GRID2: variants seen among roughly 807,000 people sequenced by gnomAD.
GRID2 encodes the protein glutamate ionotropic receptor delta type subunit 2.
Under a neutral mutation model 114.8 loss-of-function variants are expected in GRID2, and 33 were observed. The ratio of observed to expected loss-of-function variants is 0.29; its 90% CI spans 0.22 to 0.38. GRID2 has a LOEUF of 0.38. GRID2 is among the 10% of genes least tolerant of loss of function. The pLI, the probability that GRID2 is intolerant of heterozygous loss-of-function variation, is 1.00. For missense variants in GRID2, 1,184 were observed against 1,257.7 expected (o/e 0.94, Z 0.89); for synonymous variants, 505 against 449.9 (o/e 1.12, Z -1.55).
chr4:92,939,135 GC>G, intron 2 of GRID2, among the ~76,000 whole-genome samples: 1 of 147,482 alleles, frequency 6.8e-6, no homozygotes, highest in East Asian at 2.2e-4. Flanking sequence ...ATGAGGAACT[GC>G]TACACTGACT....
intron 9 of GRID2, among the ~76,000 whole-genome samples, chr4:93,407,527 T>A (rs1018967386): frequency 6.6e-6 from 1 of 152,184 alleles, no homozygotes; most frequent in Non-Finnish European, 1.5e-5. Context: ...CCAAGTATTA[T>A]GTTAGCCTGG....
chr4:93,686,625 A>G (rs1438437300), intron 14 of GRID2, among the ~76,000 whole-genome samples: 1 of 152,056 alleles, frequency 6.6e-6, no homozygotes, highest in Non-Finnish European at 1.5e-5. Flanking sequence ...TTGCAATTTT[A>G]AAACGGACAG....
chr4:93,111,731 G>A lies in GRID2; in HGVS notation c.735+778G>A, dbSNP rs185242836. The stretch of plus-strand genomic sequence containing the variant: ...TTAAAAATATTTTAAATTTGAGGAC[G>A]GGAATTTATTTGTTTAATACTTTTT... On this transcript the variant is annotated intron_variant, in intron 4 of 15. Transcript: ENST00000282020. Among the ~76,000 whole-genome samples, 11 of 143,652 alleles carry A rather than the reference G, an allele frequency of 7.7e-5. No homozygotes were observed. In the East Asian group the frequency reaches 1.4e-3, roughly 19 times the overall value. 94.2% of individuals were successfully genotyped at this position (143,652 alleles called of 152,430 possible). A position where few individuals can be genotyped will look rare whatever the true frequency, so the allele number is the denominator to read the frequency against.
At position 92,925,980 on chromosome 4, in the gene GRID2, G is replaced by C. The variant is rs117949075; in HGVS notation, c.245-159015G>C. On this transcript the variant is annotated intron_variant, in intron 2 of 15. Transcript: ENST00000282020. ...TAGTCACTACTTACTAATGTAAGTAGTCTGCACATTCCAATTCTGTTTACT... is the reference window on the plus strand; with the variant it reads ...TAGTCACTACTTACTAATGTAAGTACTCTGCACATTCCAATTCTGTTTACT... Among the ~76,000 whole-genome samples the C allele has an allele frequency of 6.6e-4, 100 of 152,048 alleles. 3 individuals are homozygous for C. The East Asian group carries it at 0.019, about 29-fold the overall frequency.
chr4:93,073,050 C>A (rs1186212198), intron 2 of GRID2, among the ~76,000 whole-genome samples: 1 of 152,134 alleles, frequency 6.6e-6, no homozygotes, highest in Non-Finnish European at 1.5e-5. Context: ...GTTTGTCTCT[C>A]CAGTAAATTG....
chr4:93,207,932 C>A (rs1220743827), intron 5 of GRID2, among the ~76,000 whole-genome samples: 1 of 151,910 alleles, frequency 6.6e-6, no homozygotes, highest in African/African-American at 2.4e-5. Context: ...GTTTTCAAAT[C>A]TTTAGACTTG....
rs549136426 is a variant in GRID2 at position 92,418,695 on chromosome 4, A to G, written c.88+113951A>G. Among the ~76,000 whole-genome samples, 21 of 152,196 alleles carry G rather than the reference A, an allele frequency of 1.4e-4. No homozygotes were observed. The South Asian group carries it at 4.1e-3, about 30-fold the overall frequency. On this transcript the variant is annotated intron_variant, in intron 1 of 15. Transcript: ENST00000282020. ...TGGCTAGCTTAATTAAATGATAATG[A>G]TATCATTCATCAAGTTTGGGTCTCC...
intron 2 of GRID2, among the ~76,000 whole-genome samples, chr4:92,944,075 A>C (rs560110774): frequency 1.3e-5 from 2 of 152,286 alleles, no homozygotes; most frequent in South Asian, 4.1e-4. Context: ...CAGATCTCCA[A>C]CTGCATGCTG....
At chr4:93,690,843 T>C (rs968620299) in intron 14 of GRID2, among the ~76,000 whole-genome samples, 18 of 149,940 alleles carry the variant, frequency 1.2e-4, no homozygotes, top group Non-Finnish European at 2.4e-4. Flanking sequence ...TTATATATAA[T>C]ATGTTGTTTT....
At chr4:93,403,346 C>A (rs1766088055) in intron 9 of GRID2, among the ~76,000 whole-genome samples, 1 of 151,824 alleles carries the variant, frequency 6.6e-6, no homozygotes, top group African/African-American at 2.4e-5. Flanking sequence ...TCTGGGGTGG[C>A]AAATGAGGAG....
At chr4:92,782,836 C>T (rs558708341) in intron 2 of GRID2, among the ~76,000 whole-genome samples, 168 of 152,074 alleles carry the variant, frequency 1.1e-3, no homozygotes, top group African/African-American at 3.8e-3. Context: ...CTTCATCTTC[C>T]AACAGAAGTT....
intron 2 of GRID2, among the ~76,000 whole-genome samples, chr4:93,043,023 C>A (rs1051646117): frequency 4.6e-5 from 7 of 152,030 alleles, no homozygotes; most frequent in African/African-American, 1.7e-4. Context: ...GTTTGAGTGT[C>A]TGATTATAGA....
intron 13 of GRID2, among the ~76,000 whole-genome samples, chr4:93,563,810 A>G (rs1340669114): frequency 6.6e-6 from 1 of 152,002 alleles, no homozygotes; most frequent in Admixed American, 6.6e-5. Flanking sequence ...GTTGGATTCT[A>G]TGAATACATT....
At chr4:93,211,849 C>T (rs1167607165) in intron 5 of GRID2, among the ~76,000 whole-genome samples, 1 of 152,042 alleles carries the variant, frequency 6.6e-6, no homozygotes, top group Non-Finnish European at 1.5e-5. Context: ...AAAAAATAAA[C>T]AAAAACCATT....
chr4:93,520,433 T>C (rs1164994351), intron 13 of GRID2, among the ~76,000 whole-genome samples: 3 of 151,968 alleles, frequency 2.0e-5, no homozygotes. Flanking sequence ...AATGGAGACC[T>C]GAAAGAGGAC....
At chr4:93,758,205 A>G (rs1732917129) in intron 14 of GRID2, among the ~76,000 whole-genome samples, 1 of 152,200 alleles carries the variant, frequency 6.6e-6, no homozygotes, top group African/African-American at 2.4e-5. Flanking sequence ...TAAAAATTAA[A>G]ATATAATTTA....
intron 8 of GRID2, among the ~76,000 whole-genome samples, chr4:93,332,676 T>C (rs1758623575): frequency 6.6e-6 from 1 of 152,084 alleles, no homozygotes; most frequent in African/African-American, 2.4e-5. Flanking sequence ...CCAGGAGATA[T>C]AAATTAGTTA....
At chr4:92,890,378 T>C (rs1046168180) in intron 2 of GRID2, among the ~76,000 whole-genome samples, 1 of 152,000 alleles carries the variant, frequency 6.6e-6, no homozygotes, top group Non-Finnish European at 1.5e-5. Context: ...CTGACAAAAG[T>C]CTAGTATCCA....
intron 2 of GRID2, among the ~76,000 whole-genome samples, chr4:93,067,230 G>A (rs913666096): frequency 6.6e-6 from 1 of 151,964 alleles, no homozygotes; most frequent in Non-Finnish European, 1.5e-5. Flanking sequence ...TGTTTTTTGA[G>A]ATGGTATTTC....
Sources: allele counts gnomAD v4.1 joint callset (sites outside exome capture counted in the v4.1 genomes callset), GRCh38; gene constraint gnomAD v4.1.1; transcripts MANE v1.5; gene names NCBI Gene and HGNC (gene_info 2026-07-23, HGNC 2026-07-21).